The following DPF1 variants were observed in gnomAD, a reference collection of about 807,000 sequenced individuals.
The protein encoded by DPF1 is zinc finger protein neuro-d4.
DPF1 carries 14 observed loss-of-function variants against 58.7 expected under a neutral mutation model. The ratio of observed to expected loss-of-function variants is 0.24; its 90% confidence interval spans 0.16 to 0.37. The LOEUF is 0.37. DPF1 is among the 10% of genes least tolerant of loss of function. The pLI is 1.00. For synonymous variants in DPF1, 216 were observed against 216.0 expected (o/e 1.00, Z 0.00); for missense variants, 345 against 529.9 (o/e 0.65, Z 3.43).
intron 7 of DPF1, among the ~76,000 whole-genome samples, chr19:38,217,026 G>C (rs1298383121): frequency 6.6e-6 from 1 of 152,214 alleles, no homozygotes; most frequent in African/African-American, 2.4e-5. Flanking sequence ...TGGGAAGACA[G>C]TGTCTCCCTA....
intron 11 of DPF1, 54 bp downstream of exon 11, chr19:38,212,226 A>G: frequency 7.0e-7 from 1 of 1,424,422 alleles, no homozygotes; most frequent in South Asian, 1.3e-5. Context: ...TTCCACAACC[A>G]GGAGATGGCG....
upstream of DPF1, among the ~76,000 whole-genome samples, chr19:38,225,580 A>AAAC (rs1327894691): frequency 1.3e-5 from 2 of 149,676 alleles, no homozygotes; most frequent in Non-Finnish European, 2.9e-5. Flanking sequence ...AAAAGCAAAC[A>AAAC]AACAAACAAA....
At chr19:38,218,238 AGT>A (rs1387034178) in intron 5 of DPF1, among the ~76,000 whole-genome samples, 1 of 152,218 alleles carries the variant, frequency 6.6e-6, no homozygotes, top group Non-Finnish European at 1.5e-5. Flanking sequence ...GTGAGAAAAC[AGT>A]GTCTTTTGCA....
intron 3 of DPF1, among the ~76,000 whole-genome samples, chr19:38,220,395 G>A (rs904634362): frequency 1.3e-5 from 2 of 152,062 alleles, no homozygotes; most frequent in African/African-American, 4.8e-5. Flanking sequence ...GCCGAGGCGG[G>A]CAGATCATGA....
In DPF1 at chr19:38,218,680, G is replaced by A. The variant is rs1329489845; in HGVS notation, c.427-18C>T. 1.2e-6 allele frequency: 2 copies of A among 1,613,960 alleles called. No homozygotes were observed. Among genetic ancestry groups the A allele is most frequent in the Non-Finnish European group, 1.7e-6 (2 of 1,179,908 alleles). On this transcript the variant is annotated intron_variant, in intron 4 of 11. Transcript: ENST00000355526. ...TGCTGTTTCTGGGCAATAGAGAAAG[G>A]AGACGGGTCAAGAAAGTGGGGGCCA...
At chr19:38,215,823 GC>G (rs1966975311) in intron 9 of DPF1, among the ~76,000 whole-genome samples, 1 of 152,112 alleles carries the variant, frequency 6.6e-6, no homozygotes, top group East Asian at 1.9e-4. Context: ...TCCCACCTCT[GC>G]CTCCCAAAGT....
chr19:38,225,244 C>G (rs10406922), upstream of DPF1, among the ~76,000 whole-genome samples: 2,680 of 149,230 alleles, frequency 0.018, 83 homozygotes, highest in African/African-American at 0.063. Flanking sequence ...GACTCCCTCT[C>G]AAAAATAAAT....
At chr19:38,215,101 G>A (rs761526645) in intron 9 of DPF1, among the ~76,000 whole-genome samples, 4 of 151,442 alleles carry the variant, frequency 2.6e-5, no homozygotes, top group Non-Finnish European at 5.9e-5. Flanking sequence ...CCAAAGTGCT[G>A]GGATTACAGA....
rs569751535 is a variant in DPF1, at chr19:38,223,452, C to T, written c.29+662G>A. On this transcript the variant is annotated intron_variant, in intron 1 of 11. Transcript: ENST00000355526. Reference sequence around the variant, plus strand: ...ACACACACACATTTACAAAGATGCACGATGCGCAACCAGTATCTAAAATAT... The same window carrying T: ...ACACACACACATTTACAAAGATGCATGATGCGCAACCAGTATCTAAAATAT... 4.6e-5 allele frequency among the ~76,000 whole-genome samples: 7 copies of T among 152,198 alleles called. No individual in the cohort carries two copies. In the South Asian group the frequency reaches 1.0e-3, roughly 23 times the overall value.
At chr19:38,224,897 T>C (rs537009778), upstream of DPF1, among the ~76,000 whole-genome samples, 1 of 152,342 alleles carries the variant, frequency 6.6e-6, no homozygotes, top group East Asian at 1.9e-4. The surrounding 1 kb of genome is among the most constrained non-coding windows in gnomAD (Gnocchi z 4.5). Context: ...AAAAAGAGGA[T>C]GATGCCTCAC....
chr19:38,218,853 G>C (rs1398159994), intron 4 of DPF1, 78 bp downstream of exon 4: 25 of 1,590,184 alleles, frequency 1.6e-5, no homozygotes, highest in Non-Finnish European at 2.1e-5. Context: ...TTCAGAGCAG[G>C]AACGTGAGGG....
chr19:38,224,223 T>G, upstream of DPF1: 1 of 1,295,290 alleles, frequency 7.7e-7, no homozygotes, highest in Non-Finnish European at 9.8e-7. This position sits in a 1 kb window ranked among gnomAD's most constrained non-coding sequence, Gnocchi z 4.5. Flanking sequence ...AGGCCGCCCA[T>G]CCATTCATTC....
At position 38,217,826 on chromosome 19, in the gene DPF1, C is replaced by T; in HGVS notation, c.567G>A (p.Glu189=). ...LRKRQDTASL[E]DRDKPYVCDI... ...CACAGACATACGGCTTGTCTCGGTC[C>T]TCCAGGGAAGCGGTGTCCTGGCGTT... is the stretch of plus-strand genomic sequence containing the variant. Residue 189 remains glutamate, a synonymous_variant, in exon 6 of 12, where the codon GAG becomes GAA. Coordinates refer to ENST00000355526, the MANE Select transcript of DPF1 (RefSeq NM_001135155.3). The T allele has an allele frequency of 6.2e-7, 1 of 1,614,130 alleles. No individual in the cohort carries two copies. Among genetic ancestry groups the T allele is most frequent in the Non-Finnish European group, 8.5e-7 (1 of 1,180,012 alleles).
intron 9 of DPF1, among the ~76,000 whole-genome samples, chr19:38,215,618 T>G (rs1434517571): frequency 6.6e-6 from 1 of 152,148 alleles, no homozygotes; most frequent in Non-Finnish European, 1.5e-5. Flanking sequence ...TTTTTATATA[T>G]AGATGGGATC....
intron 3 of DPF1, 49 bp from the exon 4 acceptor site, chr19:38,219,107 G>A: frequency 6.2e-7 from 1 of 1,607,190 alleles, no homozygotes. Flanking sequence ...GACCCCGGAG[G>A]ACTCCTCAAA....
In DPF1 at chr19:38,213,707, C is replaced by A. The variant is rs752714493; in HGVS notation, c.948G>T (p.Arg316=). 6.2e-7 allele frequency: 1 copy of A among 1,613,920 alleles called. No individual in the cohort carries two copies. The highest frequency in any genetic ancestry group is 8.5e-7 in the Non-Finnish European group (1 of 1,179,898). ...QFTVNMTAAV[R]TYRWQCIECK... Reference sequence around the variant, plus strand: ...ACTCGATGCACTGCCAGCGGTAGGTCCGCACGGCTGCCGTCATGTTCACCG... The same window carrying A: ...ACTCGATGCACTGCCAGCGGTAGGTACGCACGGCTGCCGTCATGTTCACCG... Residue 316 remains arginine, a synonymous_variant, in exon 10 of 12, where the codon CGG becomes CGT. Transcript: ENST00000355526.
chr19:38,217,396 C>G, intron 7 of DPF1, 64 bp downstream of exon 7: 1 of 1,225,742 alleles, frequency 8.2e-7, no homozygotes, highest in Non-Finnish European at 1.1e-6. Context: ...CCCCCACCCC[C>G]AGCTGGGCTC....
At chr19:38,228,375 G>T (rs947534627), upstream of DPF1, among the ~76,000 whole-genome samples, 1 of 151,662 alleles carries the variant, frequency 6.6e-6, no homozygotes, top group Non-Finnish European at 1.5e-5. Flanking sequence ...GTAGGGGGGC[G>T]CTCCCTCTCT....
At chr19:38,225,115 G>A (rs914323868), upstream of DPF1, among the ~76,000 whole-genome samples, 6 of 152,222 alleles carry the variant, frequency 3.9e-5, no homozygotes, top group East Asian at 7.7e-4. Flanking sequence ...GCATGGTGGC[G>A]CATGCTTATA....
Sources: gnomAD v4.1 joint callset for allele counts (sites outside exome capture counted in the v4.1 genomes callset) on GRCh38, gnomAD v4.1.1 for gene constraint, Gnocchi (gnomAD v3.1) non-coding constraint, MANE v1.5 for transcripts, NCBI Gene and HGNC (gene_info 2026-07-23, HGNC 2026-07-21) for gene names.